Variants in CRPPA observed in about 807,000 individuals in gnomAD.
CRPPA encodes D-ribitol-5-phosphate cytidylyltransferase.
A neutral mutation model predicts 52.0 loss-of-function variants in CRPPA; 43 were observed. The ratio of observed to expected loss-of-function variants is 0.83; its 90% CI spans 0.65 to 1.07. CRPPA has a LOEUF of 1.07. Ranked by LOEUF, CRPPA falls within the 50% of genes least tolerant of loss-of-function variation. The pLI, the probability that CRPPA is intolerant of heterozygous loss-of-function variation, is 0.00. For missense variants in CRPPA, 629 were observed against 551.7 expected (o/e 1.14, Z -1.40); for synonymous variants, 250 against 203.5 (o/e 1.23, Z -1.94).
rs528380782 is a variant in CRPPA, at chr7:16,252,355, C to T, written c.1119+6035G>A. Among the ~76,000 whole-genome samples, 6 of 152,262 alleles carry T rather than the reference C, an allele frequency of 3.9e-5. No individual in the cohort carries two copies. The South Asian group carries it at 1.2e-3, about 32-fold the overall frequency. On this transcript the variant is annotated intron_variant, in intron 8 of 9. Transcript: ENST00000407010. ...AGGCCTTTGACAAAATTCACAAGCC[C>T]TTCATGCTAAAAACTCTCAATAAAC...
At chr7:16,168,537 AC>A (rs1781114064) in intron 9 of CRPPA, among the ~76,000 whole-genome samples, 3 of 5,908 alleles carry the variant, frequency 5.1e-4, no homozygotes, top group Non-Finnish European at 2.3e-3. Context: ...GAAGTAAAAC[AC>A]ACACACACAC....
chr7:16,397,705 T>G (rs17617900), intron 2 of CRPPA, among the ~76,000 whole-genome samples: 1 of 152,076 alleles, frequency 6.6e-6, no homozygotes, highest in Non-Finnish European at 1.5e-5. Flanking sequence ...TGATACATGA[T>G]TGACATGCGA....
intron 9 of CRPPA, among the ~76,000 whole-genome samples, chr7:16,176,441 T>G (rs1054448587): frequency 3.3e-5 from 5 of 152,022 alleles, no homozygotes; most frequent in Non-Finnish European, 7.4e-5. Context: ...CGTTAGTAAT[T>G]TTAGGGAAAT....
chr7:16,368,522 G>C (rs960231661), intron 3 of CRPPA, among the ~76,000 whole-genome samples: 2 of 152,154 alleles, frequency 1.3e-5, no homozygotes, highest in Non-Finnish European at 2.9e-5. Flanking sequence ...ATTGGCACTA[G>C]TAGCATTTTG....
chr7:16,347,236 G>T, intron 3 of CRPPA, among the ~76,000 whole-genome samples: 1 of 152,004 alleles, frequency 6.6e-6, no homozygotes, highest in East Asian at 1.9e-4. Context: ...AAACCAAAAA[G>T]CCCAACCAGT....
At chr7:16,298,018 G>T (rs1279177570) in intron 5 of CRPPA, among the ~76,000 whole-genome samples, 1 of 152,098 alleles carries the variant, frequency 6.6e-6, no homozygotes, top group African/African-American at 2.4e-5. Context: ...AGCTCTCATA[G>T]TATGCTATAT....
intron 5 of CRPPA, among the ~76,000 whole-genome samples, chr7:16,300,282 G>A (rs959271800): frequency 6.6e-6 from 1 of 152,150 alleles, no homozygotes; most frequent in African/African-American, 2.4e-5. Context: ...GTTAAATAGG[G>A]TTTCCCAAAA....
intron 3 of CRPPA, among the ~76,000 whole-genome samples, chr7:16,352,767 C>T (rs868336949): frequency 3.9e-5 from 6 of 151,924 alleles, no homozygotes; most frequent in South Asian, 4.2e-4. Context: ...AAATTGAAAT[C>T]GATTAATATG....
chr7:16,271,444 G>C (rs1420761161), intron 6 of CRPPA, among the ~76,000 whole-genome samples: 3 of 151,988 alleles, frequency 2.0e-5, no homozygotes, highest in African/African-American at 7.2e-5. Flanking sequence ...ATATATAAAT[G>C]ATAATAGTAG....
intron 6 of CRPPA, among the ~76,000 whole-genome samples, chr7:16,274,236 A>G (rs113702259): frequency 0.011 from 1,651 of 152,002 alleles, 41 homozygotes; most frequent in African/African-American, 0.037. Flanking sequence ...TTTTTAGTAG[A>G]GACAGGTTTC....
intron 6 of CRPPA, among the ~76,000 whole-genome samples, chr7:16,264,995 T>C (rs1001292528): frequency 5.9e-5 from 9 of 152,202 alleles, no homozygotes; most frequent in Admixed American, 3.3e-4. Context: ...ATAGAATTTA[T>C]ATGAGGATTG....
chr7:16,197,553 C>T (rs1161816612), intron 9 of CRPPA, among the ~76,000 whole-genome samples: 1 of 151,668 alleles, frequency 6.6e-6, no homozygotes, highest in Non-Finnish European at 1.5e-5. Context: ...CCTAGCTAAT[C>T]TGAAACTCCT....
intron 3 of CRPPA, among the ~76,000 whole-genome samples, chr7:16,312,817 T>C (rs1785062081): frequency 6.6e-6 from 1 of 152,012 alleles, no homozygotes; most frequent in Non-Finnish European, 1.5e-5. Context: ...ATGCTTTTTC[T>C]CTATCCATTA....
chr7:16,385,200 T>C (rs1383140932), intron 2 of CRPPA, among the ~76,000 whole-genome samples: 1 of 152,006 alleles, frequency 6.6e-6, no homozygotes, highest in African/African-American at 2.4e-5. Flanking sequence ...CAATTTTGTA[T>C]TGGGAGTACC....
At chr7:16,366,266 G>T (rs1786586130) in intron 3 of CRPPA, among the ~76,000 whole-genome samples, 1 of 152,116 alleles carries the variant, frequency 6.6e-6, no homozygotes. Flanking sequence ...TTGGTGGTTA[G>T]GTTTCAACAG....
In CRPPA at chr7:16,349,220, AC is replaced by A. The variant is rs1786088110; in HGVS notation, c.684+26871del. ...TATCAGAGTACTGCCAGGATGTGGC[AC>A]ATCCCAACCTCCTAAAGGTCCACAA... On this transcript the variant is annotated intron_variant, in intron 3 of 9. Coordinates refer to ENST00000407010, the MANE Select transcript of CRPPA (RefSeq NM_001101426.4). 1.3e-5 allele frequency among the ~76,000 whole-genome samples: 2 copies of A among 152,192 alleles called. 1 individual carries two copies. Among genetic ancestry groups the A allele is most frequent in the African/African-American group, 4.8e-5 (2 of 41,468 alleles).
intron 3 of CRPPA, among the ~76,000 whole-genome samples, chr7:16,370,772 T>G (rs942961000): frequency 9.2e-5 from 14 of 152,098 alleles, no homozygotes; most frequent in Non-Finnish European, 1.5e-5. Context: ...CCTTGTCCTC[T>G]GCCCTCCCCC....
intron 3 of CRPPA, among the ~76,000 whole-genome samples, chr7:16,322,967 T>A (rs1785295530): frequency 6.6e-6 from 1 of 152,094 alleles, no homozygotes. Flanking sequence ...AAATGCCAGA[T>A]GCTCATAAAA....
chr7:16,147,209 T>C (rs1284504089), intron 9 of CRPPA, among the ~76,000 whole-genome samples: 1 of 152,160 alleles, frequency 6.6e-6, no homozygotes, highest in Non-Finnish European at 1.5e-5. Context: ...ACCTCTTTCC[T>C]TTATAAATTA....
Sources: allele counts gnomAD v4.1 joint callset (sites outside exome capture counted in the v4.1 genomes callset), GRCh38; gene constraint gnomAD v4.1.1; transcripts MANE v1.5; gene names NCBI Gene and HGNC (gene_info 2026-07-23, HGNC 2026-07-21).